Variants in PUM2 observed in about 807,000 individuals in gnomAD.
The protein encoded by PUM2 is pumilio RNA binding family member 2.
Under a neutral mutation model 124.5 loss-of-function variants are expected in PUM2, and 57 were observed. The ratio of observed to expected loss-of-function variants is 0.46; its 90% CI spans 0.37 to 0.57. PUM2 has a LOEUF of 0.57. PUM2 is among the 20% of genes least tolerant of loss of function. The probability of loss-of-function intolerance (pLI) is 0.00; values close to 1 mark genes in which losing one functional copy is unlikely to be tolerated. For missense variants in PUM2, 1,065 were observed against 1,290.6 expected (o/e 0.83, Z 2.68); for synonymous variants, 460 against 446.1 (o/e 1.03, Z -0.39).
chr2:20,251,752 C>A, intron 20 of PUM2, 36 bp from the exon 21 acceptor site: 2 of 1,598,956 alleles, frequency 1.3e-6, no homozygotes, highest in South Asian at 2.2e-5. Flanking sequence ...AAATCTAAGT[C>A]ATTTTAGTTT....
At chr2:20,349,020 A>T (rs540354335) in intron 1 of PUM2, among the ~76,000 whole-genome samples, 1 of 152,264 alleles carries the variant, frequency 6.6e-6, no homozygotes, top group Admixed American at 6.5e-5. Flanking sequence ...CAGTATTTGT[A>T]ATGCCTGAGA....
At chr2:20,343,044 G>A (rs1414415232) in intron 1 of PUM2, among the ~76,000 whole-genome samples, 1 of 151,962 alleles carries the variant, frequency 6.6e-6, no homozygotes, top group Non-Finnish European at 1.5e-5. Context: ...CCAAACCTGG[G>A]CTCAAGCAAT....
At chr2:20,329,173 C>CAAA (rs1181339480) in intron 1 of PUM2, among the ~76,000 whole-genome samples, 1 of 123,556 alleles carries the variant, frequency 8.1e-6, no homozygotes, top group African/African-American at 3.4e-5. Context: ...GACCCTGTCT[C>CAAA]CAAAAAAAAA....
chr2:20,341,640 T>C (rs913925661), intron 1 of PUM2, among the ~76,000 whole-genome samples: 11 of 152,242 alleles, frequency 7.2e-5, no homozygotes, highest in African/African-American at 2.7e-4. Flanking sequence ...ATGTCCTATA[T>C]AAATATAGCT....
intron 1 of PUM2, among the ~76,000 whole-genome samples, chr2:20,334,182 T>C (rs1184348943): frequency 2.0e-5 from 3 of 152,096 alleles, no homozygotes; most frequent in African/African-American, 7.2e-5. Flanking sequence ...CATGGTGACA[T>C]GCACCTGTAG....
At chr2:20,278,522 C>T in intron 13 of PUM2, 61 bp downstream of exon 13, 1 of 1,312,602 alleles carries the variant, frequency 7.6e-7, no homozygotes, top group Non-Finnish European at 1.1e-6. Context: ...ATTATAAACA[C>T]ACACACAAAC....
intron 12 of PUM2, among the ~76,000 whole-genome samples, chr2:20,280,938 T>C (rs772477149): frequency 1.3e-5 from 2 of 152,212 alleles, no homozygotes; most frequent in Non-Finnish European, 2.9e-5. Context: ...AAATGGGGTA[T>C]TTAACACTGT....
chr2:20,258,436 G>A (rs1010081624), intron 15 of PUM2, 65 bp from the exon 16 acceptor site: 4 of 1,523,378 alleles, frequency 2.6e-6, no homozygotes, highest in South Asian at 1.2e-5. Flanking sequence ...ACTTGAGTAA[G>A]GCAGTGTTTG....
chr2:20,255,353 T>G lies in PUM2; in HGVS notation c.2623-12A>C. ...GAAAGCACAAATACCTGAGGACAAT[T>G]AGAAGAATTAAAATTTGTATTCTCT... On this transcript the variant is annotated splice_polypyrimidine_tract_variant and intron_variant, in intron 17 of 20. Transcript: ENST00000361078. 6.2e-7 allele frequency: 1 copy of G among 1,606,986 alleles called. No homozygotes were observed. The highest frequency in any genetic ancestry group is 1.1e-5 in the South Asian group (1 of 90,320).
intron 12 of PUM2, among the ~76,000 whole-genome samples, chr2:20,281,304 C>A (rs1180136432): frequency 6.6e-6 from 1 of 152,046 alleles, no homozygotes; most frequent in Non-Finnish European, 1.5e-5. Context: ...GGAAACAGGG[C>A]ATCTGTAGTG....
intron 13 of PUM2, among the ~76,000 whole-genome samples, chr2:20,271,697 A>G (rs1008910640): frequency 6.6e-6 from 1 of 152,254 alleles, no homozygotes; most frequent in African/African-American, 2.4e-5. Context: ...ATCAATTGTT[A>G]GCAAGTGAAA....
At chr2:20,256,444 T>C (rs915945390) in intron 16 of PUM2, among the ~76,000 whole-genome samples, 1 of 152,166 alleles carries the variant, frequency 6.6e-6, no homozygotes, top group African/African-American at 2.4e-5. Context: ...ATGATGTATG[T>C]TGAAACAACG....
rs756462063 is a variant in PUM2, at chr2:20,318,665, C to T, written c.52-20G>A. The T allele has an allele frequency of 2.6e-6, 4 of 1,531,254 alleles. No individual in the cohort carries two copies. In the South Asian group the frequency reaches 3.4e-5, roughly 13 times the overall value. The allele number at this position is 1,531,254 out of a possible 1,614,324, so 94.9% of individuals were successfully genotyped here. On this transcript the variant is annotated intron_variant, in intron 2 of 20. Transcript: ENST00000361078. ...CAAAAGCTATTTGGAGGAAAAATTA[C>T]AGTTAAATTTTATTCTAATTACAAA... is the stretch of plus-strand genomic sequence containing the variant.
intron 1 of PUM2, among the ~76,000 whole-genome samples, chr2:20,344,282 G>A (rs1687791212): frequency 6.6e-6 from 1 of 152,090 alleles, no homozygotes. Flanking sequence ...TGCCCAGGCT[G>A]GTCTCAAATG....
Position 20,251,414 on chromosome 2 carries a change from C to G in PUM2, c.*171G>C. On this transcript the variant is annotated 3_prime_UTR_variant, in exon 21 of 21. Coordinates refer to ENST00000361078, the MANE Select transcript of PUM2 (RefSeq NM_015317.5). ...AATTTATAATTCATCCCCCACCCCCCAAATATACACAAGAACCTTAAAAAA... is the reference window on the plus strand; with the variant it reads ...AATTTATAATTCATCCCCCACCCCCGAAATATACACAAGAACCTTAAAAAA... 2 of 770,298 alleles carry G rather than the reference C, an allele frequency of 2.6e-6. No homozygotes were observed. The highest frequency in any genetic ancestry group is 4.3e-5 in the South Asian group (2 of 46,268). 47.7% of individuals were successfully genotyped at this position (770,298 alleles called of 1,614,324 possible).
At position 20,258,407 on chromosome 2, in the gene PUM2, C is replaced by CTTAAT; in HGVS notation, c.2356-41_2356-37dup. ...AGATATAACATTAATAACAAGTGAC[C>CTTAAT]TTAATATTGCTTTGTTGAACTTGAG... On this transcript the variant is annotated intron_variant, in intron 15 of 20. Coordinates refer to ENST00000361078, the MANE Select transcript of PUM2 (RefSeq NM_015317.5). 3 of 1,595,094 alleles carry CTTAAT rather than the reference C, an allele frequency of 1.9e-6. No homozygotes were observed. The East Asian group carries it at 6.7e-5, about 36-fold the overall frequency.
intron 1 of PUM2, among the ~76,000 whole-genome samples, chr2:20,349,456 T>C (rs916753552): frequency 6.6e-6 from 1 of 151,860 alleles, no homozygotes; most frequent in Non-Finnish European, 1.5e-5. Context: ...ATTGAGCAAA[T>C]GAAGTAAATC....
At chr2:20,278,494 A>T (rs902814177) in intron 13 of PUM2, 89 bp downstream of exon 13, 9 of 1,124,864 alleles carry the variant, frequency 8.0e-6, no homozygotes, top group Middle Eastern at 2.6e-4. Flanking sequence ...TTTAACCAAC[A>T]TTAAATATTT....
At chr2:20,306,557 C>T (rs1054227062) in intron 7 of PUM2, among the ~76,000 whole-genome samples, 5 of 149,442 alleles carry the variant, frequency 3.3e-5, no homozygotes, top group South Asian at 2.1e-4. Context: ...AGGAAAGAAA[C>T]GGGGCCAGAG....
Sources: allele counts gnomAD v4.1 joint callset (sites outside exome capture counted in the v4.1 genomes callset), GRCh38; gene constraint gnomAD v4.1.1; transcripts MANE v1.5; gene names NCBI Gene and HGNC (gene_info 2026-07-23, HGNC 2026-07-21).